FUT8: variants seen among roughly 807,000 people sequenced by gnomAD.
FUT8 encodes fucosyltransferase 8.
In FUT8, 29 loss-of-function variants were observed where a neutral mutation model predicts 71.3. The observed-to-expected ratio is 0.41, with a 90% confidence interval of 0.30 to 0.55. The LOEUF is 0.55. FUT8 is among the 20% of genes least tolerant of loss of function. The pLI, the probability that FUT8 is intolerant of heterozygous loss-of-function variation, is 0.34. For missense variants in FUT8, 544 were observed against 702.1 expected (o/e 0.77, Z 2.55); for synonymous variants, 254 against 239.3 (o/e 1.06, Z -0.57).
intron 2 of FUT8, among the ~76,000 whole-genome samples, chr14:65,542,287 C>T (rs1334567670): frequency 2.6e-5 from 4 of 152,142 alleles, no homozygotes; most frequent in South Asian, 2.1e-4. Context: ...TCTATATTAG[C>T]GGTGCCAGGA....
At chr14:65,363,762 C>T in the FUT8 span, among the ~76,000 whole-genome samples, 1 of 152,182 alleles carries the variant, frequency 6.6e-6, no homozygotes. Flanking sequence ...CTCCACCACT[C>T]CCCACTCTTC....
Position 65,629,507 on chromosome 14 carries a change from T to A in FUT8, c.498T>A (p.Asp166Glu), listed in dbSNP as rs761352546. The A allele has an allele frequency of 6.2e-7, 1 of 1,612,642 alleles. No homozygotes were observed. The highest frequency in any genetic ancestry group is 1.1e-5 in the South Asian group (1 of 91,040). The change falls in exon 6 of 11, where the codon GAT becomes GAA. Residue 166 changes from aspartate to glutamate, a missense_variant. By Grantham distance (45) the Asp-to-Glu change is conservative (BLOSUM62 2). Coordinates refer to ENST00000673929, the MANE Select transcript of FUT8 (RefSeq NM_001371533.1). ...LGHHERSIMT[D>E]LYYLSQTDGA... ...GTTTTAACAGGTCTATAATGACGGATCTATACTACCTCAGTCAGACAGATG... is the reference window on the plus strand; with the variant it reads ...GTTTTAACAGGTCTATAATGACGGAACTATACTACCTCAGTCAGACAGATG...
At chr14:65,555,114 G>T (rs961149416) in intron 2 of FUT8, among the ~76,000 whole-genome samples, 2 of 152,050 alleles carry the variant, frequency 1.3e-5, no homozygotes, top group Admixed American at 1.3e-4. Context: ...CATTTTTAAA[G>T]GGTTATAAAG....
Position 65,742,930 on chromosome 14 carries a change from TG to T in FUT8, c.*521del, listed in dbSNP as rs1219638823. 2 of 152,470 alleles carry T rather than the reference TG, an allele frequency of 1.3e-5. No individual in the cohort carries two copies. The highest frequency in any genetic ancestry group is 4.8e-5 in the African/African-American group (2 of 41,268). The allele number at this position is 152,470 out of a possible 1,614,324, so 9.4% of individuals were successfully genotyped here. On this transcript the variant is annotated 3_prime_UTR_variant, in exon 11 of 11. Transcript: ENST00000673929. ...TTTGGTTTTTTTTTGTTTTTGTTTT[TG>T]TTTTTTCCTTTATAAGGTTGTCTGT...
At chr14:65,629,378 G>C (rs1297618266) in intron 5 of FUT8, 114 bp from the exon 6 acceptor site, 1 of 638,468 alleles carries the variant, frequency 1.6e-6, no homozygotes, top group African/African-American at 1.8e-5. Context: ...ATGAGTACCA[G>C]TGTCAATGCG....
chr14:65,685,836 C>T, intron 7 of FUT8, among the ~76,000 whole-genome samples: 1 of 152,148 alleles, frequency 6.6e-6, no homozygotes, highest in Admixed American at 6.5e-5. Context: ...TTATAATTAG[C>T]ATATAATGAG....
At chr14:65,519,517 C>T (rs1209361544) in intron 2 of FUT8, among the ~76,000 whole-genome samples, 1 of 152,118 alleles carries the variant, frequency 6.6e-6, no homozygotes, top group Non-Finnish European at 1.5e-5. Flanking sequence ...TTGCTGTATT[C>T]TTTATGCACT....
chr14:65,393,124 G>T, the FUT8 span, among the ~76,000 whole-genome samples: 1 of 152,172 alleles, frequency 6.6e-6, no homozygotes. Flanking sequence ...GACTAGGGGT[G>T]AGAACACAGC....
chr14:65,730,214 CACACAGTCAGAGGTATAGTGTTG>C, intron 9 of FUT8, among the ~76,000 whole-genome samples: 1 of 152,294 alleles, frequency 6.6e-6, no homozygotes, highest in East Asian at 1.9e-4. Context: ...GTATAGTGTT[CACACAGTCAGAGGTATAGTGTTG>C]ACACAGTCAG....
chr14:65,561,396 C>G lies in FUT8; in HGVS notation c.-168C>G. On this transcript the variant is annotated 5_prime_UTR_variant, in exon 3 of 11. The change creates a new upstream start codon in the 5' untranslated region. Transcript: ENST00000673929. ...TTCCTACACATATCACCAGGAGGAT[C>G]TCTTTGAAAGATTCACTGCAGGACT... is the stretch of plus-strand genomic sequence containing the variant. 1 of 635,726 alleles carries G rather than the reference C, an allele frequency of 1.6e-6. No individual in the cohort carries two copies. Among genetic ancestry groups the G allele is most frequent in the South Asian group, 1.9e-5 (1 of 51,444 alleles). The allele number at this position is 635,726 out of a possible 1,614,324, so 39.4% of individuals were successfully genotyped here. A position where few individuals can be genotyped will look rare whatever the true frequency, so the allele number is the denominator to read the frequency against.
chr14:65,720,438 G>A (rs1203532219), intron 7 of FUT8, among the ~76,000 whole-genome samples: 1 of 152,220 alleles, frequency 6.6e-6, no homozygotes, highest in African/African-American at 2.4e-5. Flanking sequence ...AACCCCAAGA[G>A]CCCACTTGGT....
At chr14:65,717,417 G>GCCA (rs1268337067) in intron 7 of FUT8, among the ~76,000 whole-genome samples, 2 of 131,880 alleles carry the variant, frequency 1.5e-5, no homozygotes, top group African/African-American at 3.0e-5. Context: ...TGGGGCAGCT[G>GCCA]GGCAGAGGTG....
rs140760027 is a variant in FUT8, at chr14:65,577,377, G to A, written c.203+15611G>A. Among the ~76,000 whole-genome samples, 436 of 152,072 alleles carry A rather than the reference G, an allele frequency of 2.9e-3. 6 individuals carry two copies. The highest frequency in any genetic ancestry group is 9.5e-3 in the African/African-American group (396 of 41,468). On this transcript the variant is annotated intron_variant, in intron 3 of 10. Coordinates refer to ENST00000673929, the MANE Select transcript of FUT8 (RefSeq NM_001371533.1). ...CAGATTTGGATTTGGATCCCAAGTCGACCACTTACTAACTTAGTGATCTTA... is the reference window on the plus strand; with the variant it reads ...CAGATTTGGATTTGGATCCCAAGTCAACCACTTACTAACTTAGTGATCTTA...
chr14:65,508,407 C>G (rs1245336373), intron 2 of FUT8, among the ~76,000 whole-genome samples: 1 of 135,478 alleles, frequency 7.4e-6, no homozygotes, highest in African/African-American at 2.8e-5. Context: ...AGTTGTATGT[C>G]TGTTTTTTTT....
chr14:65,505,746 C>A (rs1390056591), intron 2 of FUT8, among the ~76,000 whole-genome samples: 3 of 152,024 alleles, frequency 2.0e-5, no homozygotes, highest in Non-Finnish European at 4.4e-5. Flanking sequence ...CATCTTCATT[C>A]TCATTTGACT....
intron 1 of FUT8, among the ~76,000 whole-genome samples, chr14:65,418,503 T>C (rs2065250272): frequency 6.6e-6 from 1 of 152,246 alleles, no homozygotes; most frequent in South Asian, 2.1e-4. Context: ...TTCCATAAGC[T>C]AATCTAAGCA....
chr14:65,699,228 A>T (rs1237634965), intron 7 of FUT8, among the ~76,000 whole-genome samples: 2 of 150,370 alleles, frequency 1.3e-5, no homozygotes, highest in African/African-American at 4.9e-5. Flanking sequence ...GCCCATTCAC[A>T]CCTGTTCCTA....
At chr14:65,449,137 A>G (rs1162001542) in intron 1 of FUT8, among the ~76,000 whole-genome samples, 3 of 152,234 alleles carry the variant, frequency 2.0e-5, no homozygotes, top group Non-Finnish European at 4.4e-5. Context: ...CAAATTTAAT[A>G]TAGTTGATTT....
intron 3 of FUT8, among the ~76,000 whole-genome samples, chr14:65,608,932 T>G (rs1451314322): frequency 6.6e-6 from 1 of 151,824 alleles, no homozygotes; most frequent in Non-Finnish European, 1.5e-5. Context: ...AGGTTTTTTC[T>G]TTTTTTTCCT....
Sources: gnomAD v4.1 joint callset for allele counts (sites outside exome capture counted in the v4.1 genomes callset) on GRCh38, gnomAD v4.1.1 for gene constraint, MANE v1.5 for transcripts, NCBI Gene and HGNC (gene_info 2026-07-23, HGNC 2026-07-21) for gene names.